THSD4: variants seen among roughly 807,000 people sequenced by gnomAD.
THSD4 encodes thrombospondin type 1 domain containing 4.
THSD4 carries 69 observed loss-of-function variants against 119.0 expected under a neutral mutation model. The observed-to-expected ratio is 0.58, with a 90% CI of 0.48 to 0.71. THSD4 has a LOEUF of 0.71. Ranked by LOEUF, THSD4 falls within the 30% of genes least tolerant of loss-of-function variation. THSD4 has a pLI of 0.00. For synonymous variants in THSD4, 524 were observed against 540.4 expected, an observed-to-expected ratio of 0.97 and a Z score of 0.42; for missense variants, 1,393 against 1,391.1, an observed-to-expected ratio of 1.00 and a Z score of -0.02.
chr15:71,193,794 G>T (rs767338415), intron 3 of THSD4, among the ~76,000 whole-genome samples: 5 of 152,002 alleles, frequency 3.3e-5, no homozygotes, highest in Non-Finnish European at 7.4e-5. Context: ...TGCAAGCTCC[G>T]CCTCCCGGGT....
At position 71,377,896 on chromosome 15, in the gene THSD4, A is replaced by ACC. The variant is rs1232533293; in HGVS notation, c.1016-33790_1016-33789insCC. ...CACACACACACACACACACACACACACACACACACACACACACAATTTCCT... is the reference window on the plus strand; with the variant it reads ...CACACACACACACACACACACACACACCCACACACACACACACACAATTTCCT... On this transcript the variant is annotated intron_variant, in intron 6 of 17. Coordinates refer to ENST00000261862, the MANE Select transcript of THSD4 (RefSeq NM_024817.3). Among the ~76,000 whole-genome samples, 361 of 45,958 alleles carry ACC rather than the reference A, an allele frequency of 7.9e-3. 2 individuals are homozygous for ACC. The highest frequency in any genetic ancestry group is 0.022 in the East Asian group (20 of 914). 30.2% of individuals were successfully genotyped at this position (45,958 alleles called of 152,430 possible). A position where few individuals can be genotyped will look rare whatever the true frequency, so the allele number is the denominator to read the frequency against.
At chr15:71,768,753 G>C in intron 16 of THSD4, among the ~76,000 whole-genome samples, 1 of 149,996 alleles carries the variant, frequency 6.7e-6, no homozygotes. Context: ...TTTTAGTAGA[G>C]ACGGGGTTTC....
intron 7 of THSD4, among the ~76,000 whole-genome samples, chr15:71,628,276 T>TA (rs1211149028): frequency 6.6e-6 from 1 of 151,762 alleles, no homozygotes; most frequent in African/African-American, 2.4e-5. Flanking sequence ...AACAAGGGGG[T>TA]AAAAAAGGAA....
intron 8 of THSD4, among the ~76,000 whole-genome samples, chr15:71,692,276 G>A (rs1363748388): frequency 6.6e-6 from 1 of 152,204 alleles, no homozygotes; most frequent in Non-Finnish European, 1.5e-5. Flanking sequence ...GCTGCTATGG[G>A]TTTCAAGAAT....
intron 3 of THSD4, among the ~76,000 whole-genome samples, chr15:71,207,012 A>G (rs924840954): frequency 6.6e-6 from 1 of 152,160 alleles, no homozygotes; most frequent in South Asian, 2.1e-4. Context: ...TGGTGTCGTT[A>G]TAAGTTTATA....
chr15:71,557,271 A>G (rs1219185523), intron 7 of THSD4, among the ~76,000 whole-genome samples: 1 of 152,226 alleles, frequency 6.6e-6, no homozygotes, highest in Non-Finnish European at 1.5e-5. Flanking sequence ...TCAGTGTGAT[A>G]AATTACAGAA....
chr15:71,239,030 A>G (rs1433910018), intron 4 of THSD4, among the ~76,000 whole-genome samples: 6 of 152,226 alleles, frequency 3.9e-5, no homozygotes, highest in Non-Finnish European at 7.3e-5. Context: ...AGAAAACTGA[A>G]GGTGCATTAT....
At chr15:71,764,402 T>C (rs1357397772) in intron 15 of THSD4, among the ~76,000 whole-genome samples, 1 of 152,266 alleles carries the variant, frequency 6.6e-6, no homozygotes, top group Admixed American at 6.5e-5. Context: ...CCTGGCTTCT[T>C]TGTGGGGTCA....
At chr15:71,200,699 A>C (rs577239159) in intron 3 of THSD4, among the ~76,000 whole-genome samples, 10 of 152,324 alleles carry the variant, frequency 6.6e-5, no homozygotes, top group African/African-American at 2.4e-4. Context: ...GTGGCCACAA[A>C]GTATATTTTA....
chr15:71,183,192 A>G (rs1409326411), intron 3 of THSD4: 1 of 151,752 alleles, frequency 6.6e-6, no homozygotes, highest in African/African-American at 2.4e-5. Flanking sequence ...CAGGCAAGAG[A>G]GTGCTTGTGG....
intron 1 of THSD4, among the ~76,000 whole-genome samples, chr15:71,104,885 G>C (rs1212992075): frequency 6.6e-6 from 1 of 152,192 alleles, no homozygotes; most frequent in South Asian, 2.1e-4. Context: ...AGGTCAGAGT[G>C]ACCCGTAGGG....
chr15:71,391,059 C>T (rs148536547), intron 6 of THSD4, among the ~76,000 whole-genome samples: 2,131 of 146,836 alleles, frequency 0.015, 66 homozygotes, highest in African/African-American at 0.051. Context: ...GACCATGTCG[C>T]GCTCTGTCGC....
chr15:71,611,059 T>C (rs1360861122), intron 7 of THSD4, among the ~76,000 whole-genome samples: 1 of 152,222 alleles, frequency 6.6e-6, no homozygotes, highest in African/African-American at 2.4e-5. Context: ...ACAGAGGGCT[T>C]AGCAATTTTT....
intron 3 of THSD4, among the ~76,000 whole-genome samples, chr15:71,162,776 T>C (rs1239494548): frequency 1.3e-5 from 2 of 152,066 alleles, no homozygotes; most frequent in African/African-American, 4.8e-5. Flanking sequence ...TTTGTTCCCT[T>C]AATGGTGTCC....
intron 8 of THSD4, among the ~76,000 whole-genome samples, chr15:71,683,870 G>T (rs1241328458): frequency 6.6e-6 from 1 of 152,130 alleles, no homozygotes; most frequent in African/African-American, 2.4e-5. Context: ...AGCTACTCAG[G>T]AGGTTGAGGC....
intron 3 of THSD4, among the ~76,000 whole-genome samples, chr15:71,177,803 G>A (rs1253110795): frequency 6.8e-6 from 1 of 148,090 alleles, no homozygotes; most frequent in Non-Finnish European, 1.5e-5. Context: ...GATCAAGTGG[G>A]CTTCATCCCT....
intron 7 of THSD4, among the ~76,000 whole-genome samples, chr15:71,633,992 G>A (rs960725886): frequency 2.0e-5 from 3 of 152,178 alleles, no homozygotes; most frequent in African/African-American, 7.2e-5. Flanking sequence ...TTCTAGATCA[G>A]CCTGGCCAAC....
intron 7 of THSD4, among the ~76,000 whole-genome samples, chr15:71,535,212 T>C (rs773817577): frequency 6.6e-6 from 1 of 152,212 alleles, no homozygotes; most frequent in African/African-American, 2.4e-5. Context: ...GGACATTTCA[T>C]ATAAATGGAA....
chr15:71,432,147 CAAGG>C (rs1465016242), intron 7 of THSD4, among the ~76,000 whole-genome samples: 4 of 152,102 alleles, frequency 2.6e-5, no homozygotes, highest in Non-Finnish European at 4.4e-5. Context: ...AAATATAACT[CAAGG>C]AAAACTAAAC....
Sources: gnomAD v4.1 joint callset for allele counts (sites outside exome capture counted in the v4.1 genomes callset) on GRCh38, gnomAD v4.1.1 for gene constraint, MANE v1.5 for transcripts, NCBI Gene and HGNC (gene_info 2026-07-23, HGNC 2026-07-21) for gene names.